The following NRDC variants were observed in gnomAD, a reference collection of about 807,000 sequenced individuals.
NRDC encodes the protein nardilysin.
Under a neutral mutation model 147.1 loss-of-function variants are expected in NRDC, and 54 were observed. The ratio of observed to expected loss-of-function variants is 0.37; its 90% CI spans 0.29 to 0.46. The LOEUF is 0.46. NRDC is among the 20% of genes least tolerant of loss of function. The pLI is 1.00. For synonymous variants in NRDC, 440 were observed against 482.1 expected (o/e 0.91, Z 1.14); for missense variants, 1,082 against 1,370.6 (o/e 0.79, Z 3.33).
At chr1:51,833,035 G>T (rs1199474892) in intron 4 of NRDC, among the ~76,000 whole-genome samples, 2 of 152,164 alleles carry the variant, frequency 1.3e-5, no homozygotes, top group Non-Finnish European at 2.9e-5. Flanking sequence ...TGAACAATAT[G>T]ATCGGTATAC....
chr1:51,789,820 A>C, intron 29 of NRDC, 163 bp from the exon 30 acceptor site: 1 of 607,756 alleles, frequency 1.6e-6, no homozygotes, highest in Non-Finnish European at 2.9e-6. Context: ...ACGATGATGA[A>C]GCTCTCTGGC....
chr1:51,821,704 A>T, intron 7 of NRDC, 149 bp from the exon 8 acceptor site: 1 of 598,342 alleles, frequency 1.7e-6, no homozygotes. Flanking sequence ...CCAGTAATGG[A>T]TGAACAGGAA....
chr1:51,840,629 A>T, intron 1 of NRDC, 115 bp from the exon 2 acceptor site: 1 of 682,610 alleles, frequency 1.5e-6, no homozygotes, highest in Non-Finnish European at 2.4e-6. Flanking sequence ...ACAAACACAC[A>T]CACACACAAC....
At chr1:51,796,929 G>A (rs1372078756) in intron 22 of NRDC, among the ~76,000 whole-genome samples, 3 of 148,316 alleles carry the variant, frequency 2.0e-5, no homozygotes, top group South Asian at 2.2e-4. Context: ...GGCCAGGCAC[G>A]GTGGCTCACA....
intron 27 of NRDC, 142 bp downstream of exon 27, chr1:51,791,436 C>A: frequency 2.9e-6 from 2 of 689,638 alleles, no homozygotes; most frequent in Non-Finnish European, 5.2e-6. Flanking sequence ...CCATCTATAA[C>A]AACCCCCATC....
chr1:51,795,251 C>T (rs957312624), intron 22 of NRDC: 3 of 1,247,616 alleles, frequency 2.4e-6, no homozygotes, highest in African/African-American at 1.5e-5. Flanking sequence ...TGAGTGAATA[C>T]ATCCTCTTCC....
chr1:51,807,494 G>A (rs1312584317), intron 17 of NRDC, among the ~76,000 whole-genome samples: 1 of 152,110 alleles, frequency 6.6e-6, no homozygotes, highest in Admixed American at 6.5e-5. Context: ...ATCACTTGAA[G>A]CCAGGAGTTT....
intron 24 of NRDC, 29 bp from the exon 25 acceptor site, chr1:51,792,453 G>A (rs1277008880): frequency 6.2e-7 from 1 of 1,610,786 alleles, no homozygotes; most frequent in Non-Finnish European, 8.5e-7. Context: ...CAGGCCAACT[G>A]AATATCCAGT....
intron 19 of NRDC, 138 bp from the exon 20 acceptor site, chr1:51,804,102 CT>C: frequency 1.4e-6 from 1 of 695,988 alleles, no homozygotes; most frequent in Non-Finnish European, 2.3e-6. Context: ...GGTAATACAG[CT>C]TACTCAGGAT....
intron 18 of NRDC, among the ~76,000 whole-genome samples, chr1:51,806,030 G>T (rs1679444567): frequency 6.6e-6 from 1 of 152,140 alleles, no homozygotes; most frequent in African/African-American, 2.4e-5. Context: ...ATATAGTTGT[G>T]TTTTGAGGTT....
At chr1:51,855,879 A>T (rs540936323) in intron 1 of NRDC, among the ~76,000 whole-genome samples, 130 of 152,164 alleles carry the variant, frequency 8.5e-4, no homozygotes, top group African/African-American at 3.0e-3. Context: ...TGTCAAAAAA[A>T]AATAATAATG....
intron 2 of NRDC, 172 bp downstream of exon 2, chr1:51,840,054 C>T: frequency 1.9e-6 from 1 of 523,852 alleles, no homozygotes; most frequent in Non-Finnish European, 3.4e-6. Flanking sequence ...GCATTTACTA[C>T]TTTTATAATT....
At chr1:51,813,164 TAAG>T (rs889014303) in intron 14 of NRDC, among the ~76,000 whole-genome samples, 2 of 152,058 alleles carry the variant, frequency 1.3e-5, no homozygotes, top group African/African-American at 2.4e-5. Flanking sequence ...AGTCTTGCGA[TAAG>T]AAGTTATATT....
intron 1 of NRDC, among the ~76,000 whole-genome samples, chr1:51,853,700 T>G (rs1426788416): frequency 6.6e-6 from 1 of 152,166 alleles, no homozygotes; most frequent in East Asian, 1.9e-4. Context: ...TAGCCTTAGA[T>G]TACATCTTAG....
intron 4 of NRDC, among the ~76,000 whole-genome samples, chr1:51,831,033 T>C (rs1680683593): frequency 6.6e-6 from 1 of 152,248 alleles, no homozygotes; most frequent in South Asian, 2.1e-4. Context: ...GCTCTACTTA[T>C]GGCATAAATT....
rs192482157 is a variant in NRDC at position 51,790,762 on chromosome 1, G to A, written c.3052-113C>T. The stretch of plus-strand genomic sequence containing the variant: ...ATGGACATGCCAGTATAAGAGGCAC[G>A]GATGAAGCTAGGGAGACACTATTGT... On this transcript the variant is annotated intron_variant, in intron 28 of 30. Transcript: ENST00000352171. The A allele has an allele frequency of 2.0e-4, 192 of 968,374 alleles. 2 individuals are homozygous for A. In the East Asian group the frequency reaches 2.8e-3, roughly 14 times the overall value. 60.0% of individuals were successfully genotyped at this position (968,374 alleles called of 1,614,324 possible).
At chr1:51,873,067 C>T (rs1301065236) in intron 1 of NRDC, among the ~76,000 whole-genome samples, 1 of 152,044 alleles carries the variant, frequency 6.6e-6, no homozygotes, top group African/African-American at 2.4e-5. Context: ...ATGAAACACA[C>T]ACAAATGAAA....
At chr1:51,871,842 C>T (rs2124134301) in intron 1 of NRDC, among the ~76,000 whole-genome samples, 1 of 152,236 alleles carries the variant, frequency 6.6e-6, no homozygotes, top group South Asian at 2.1e-4. Flanking sequence ...TACCATCATT[C>T]AGTTCTTTAA....
In NRDC at chr1:51,823,648, C is replaced by T. The variant is rs767032467; in HGVS notation, c.1159+16G>A. 1 of 1,599,606 alleles carries T rather than the reference C, an allele frequency of 6.3e-7. No individual in the cohort carries two copies. The highest frequency in any genetic ancestry group is 8.5e-7 in the Non-Finnish European group (1 of 1,171,006). On this transcript the variant is annotated intron_variant, in intron 7 of 30. Coordinates refer to ENST00000352171, the MANE Select transcript of NRDC (RefSeq NM_001101662.2). ...GCTACTTCAAGGTAACTCTAAGAGC[C>T]ATAATTAATAGTTACCTTTGGATTG...
Sources: gnomAD v4.1 joint callset for allele counts (sites outside exome capture counted in the v4.1 genomes callset) on GRCh38, gnomAD v4.1.1 for gene constraint, MANE v1.5 for transcripts, NCBI Gene and HGNC (gene_info 2026-07-23, HGNC 2026-07-21) for gene names.